Variants in IL1RAP observed in about 807,000 individuals in gnomAD.
IL1RAP encodes the protein interleukin 1 receptor accessory protein, also known as interleukin-1 receptor accessory protein.
In IL1RAP, 35 loss-of-function variants were observed where a neutral mutation model predicts 60.7. The ratio of observed to expected loss-of-function variants is 0.58; its 90% CI spans 0.44 to 0.76. The LOEUF (loss-of-function observed/expected upper bound fraction) is 0.76, where lower values mean the gene tolerates loss of function less well. Ranked by LOEUF, IL1RAP falls within the 30% of genes least tolerant of loss-of-function variation. The pLI is 0.00. For synonymous variants in IL1RAP, 268 were observed against 250.9 expected (o/e 1.07, Z -0.64); for missense variants, 572 against 693.9 (o/e 0.82, Z 1.97).
chr3:190,566,880 A>T (rs758626191), intron 3 of IL1RAP, among the ~76,000 whole-genome samples: 4 of 152,216 alleles, frequency 2.6e-5, no homozygotes, highest in African/African-American at 4.8e-5. Context: ...GCATCTGTGG[A>T]TGCTGACAGA....
rs564025467 is a variant in IL1RAP, at chr3:190,632,690, A to AAGGT, written c.1051+3194_1051+3197dup. Among the ~76,000 whole-genome samples, 861 of 152,310 alleles carry AAGGT rather than the reference A, an allele frequency of 5.7e-3. 12 individuals carry two copies. Among genetic ancestry groups the AAGGT allele is most frequent in the African/African-American group, 0.02 (827 of 41,576 alleles). On this transcript the variant is annotated intron_variant, in intron 9 of 11. Transcript: ENST00000447382. ...AAGTTAGAAAGGTATTCAGGTTAGAAAGGTATCCTTCTGTGTTTTCTTCTG... is the reference window on the plus strand; with the variant it reads ...AAGTTAGAAAGGTATTCAGGTTAGAAAGGTAGGTATCCTTCTGTGTTTTCTTCTG...
intron 9 of IL1RAP, among the ~76,000 whole-genome samples, chr3:190,643,462 G>A (rs1733801260): frequency 6.6e-6 from 1 of 152,152 alleles, no homozygotes; most frequent in East Asian, 1.9e-4. Flanking sequence ...TTAAGATCTG[G>A]TTTTTAAGTA....
chr3:190,522,624 G>A (rs753990718), intron 1 of IL1RAP, among the ~76,000 whole-genome samples: 1 of 145,754 alleles, frequency 6.9e-6, no homozygotes, highest in South Asian at 2.3e-4. Flanking sequence ...CAGATGGAGA[G>A]GGGGAGTATA....
chr3:190,645,571 A>C (rs769380758), intron 10 of IL1RAP, 128 bp from the exon 11 acceptor site: 11 of 699,910 alleles, frequency 1.6e-5, no homozygotes, highest in Non-Finnish European at 2.4e-5. Flanking sequence ...ACTTGTTGCA[A>C]GTAGAAAATC....
intron 1 of IL1RAP, among the ~76,000 whole-genome samples, chr3:190,541,659 A>T (rs190366056): frequency 5.3e-5 from 8 of 152,218 alleles, no homozygotes; most frequent in African/African-American, 1.9e-4. Flanking sequence ...ACCATTTTTA[A>T]GTCTACTGTT....
At chr3:190,587,965 A>G (rs1577668446) in intron 3 of IL1RAP, among the ~76,000 whole-genome samples, 4 of 152,212 alleles carry the variant, frequency 2.6e-5, no homozygotes, top group Non-Finnish European at 2.9e-5. Context: ...TCTAAACTAT[A>G]CATTACTATG....
In IL1RAP at chr3:190,648,675, C is replaced by T. The variant is rs146043981; in HGVS notation, c.1683C>T (p.Gly561=). 6.2e-7 allele frequency: 1 copy of T among 1,612,856 alleles called. No homozygotes were observed. Among genetic ancestry groups the T allele is most frequent in the South Asian group, 1.1e-5 (1 of 90,932 alleles). Residue 561 remains glycine, a synonymous_variant, in exon 12 of 12, where the codon GGC becomes GGT. Transcript: ENST00000447382. ...GGCGGTCTAGCAGTGATGAGCAGGG[C>T]CTCTCGTATTCATCTTTGAAAAATG... The part of the protein sequence containing the change: ...SPRRSSSDEQ[G]LSYSSLKNV
intron 2 of IL1RAP, chr3:190,563,563 T>G (rs930469723): frequency 6.6e-6 from 1 of 152,200 alleles, no homozygotes; most frequent in Non-Finnish European, 1.5e-5. Flanking sequence ...AGTTGGCTGT[T>G]TCAGCTGGTT....
chr3:190,534,395 T>G (rs1448425594), intron 1 of IL1RAP, among the ~76,000 whole-genome samples: 1 of 152,160 alleles, frequency 6.6e-6, no homozygotes, highest in Non-Finnish European at 1.5e-5. Context: ...ACCAGATATT[T>G]TAAGTCAGGT....
chr3:190,615,422 C>T, intron 5 of IL1RAP: 1 of 576,162 alleles, frequency 1.7e-6, no homozygotes, highest in Admixed American at 2.5e-5. Context: ...GGCAGGCCAT[C>T]CTAACTTTCA....
chr3:190,624,968 G>A, intron 7 of IL1RAP: 1 of 174,608 alleles, frequency 5.7e-6, no homozygotes. Context: ...TTCCGAGGGT[G>A]CTCCCTACCC....
At chr3:190,557,409 A>G (rs1725516198) in intron 2 of IL1RAP, among the ~76,000 whole-genome samples, 1 of 152,216 alleles carries the variant, frequency 6.6e-6, no homozygotes, top group East Asian at 1.9e-4. Context: ...TAAAGATGGC[A>G]GGTGGTATAT....
intron 3 of IL1RAP, among the ~76,000 whole-genome samples, chr3:190,585,983 G>A (rs949849504): frequency 5.3e-5 from 8 of 151,822 alleles, no homozygotes; most frequent in African/African-American, 1.9e-4. Context: ...ATCTAACCCC[G>A]GCTGACTCAT....
In IL1RAP at chr3:190,603,564, AT is replaced by A. The variant is rs1160882819; in HGVS notation, c.65-557del. Among the ~76,000 whole-genome samples the A allele has an allele frequency of 1.6e-4, 25 of 152,192 alleles. 1 individual carries two copies. The highest frequency in any genetic ancestry group is 3.4e-4 in the Non-Finnish European group (23 of 68,030). Reference sequence around the variant, plus strand: ...AAAGAATGTAAATGTAAAATAGCTCATTTTTTTATATTTTGGATATATTGGG... The same window carrying A: ...AAAGAATGTAAATGTAAAATAGCTCATTTTTTATATTTTGGATATATTGGG... On this transcript the variant is annotated intron_variant, in intron 3 of 11. Coordinates refer to ENST00000447382, the MANE Select transcript of IL1RAP (RefSeq NM_002182.4).
chr3:190,627,279 G>GTT (rs869147319), intron 7 of IL1RAP, 44 bp from the exon 8 acceptor site: 4 of 1,439,406 alleles, frequency 2.8e-6, no homozygotes, highest in African/African-American at 1.7e-5. Context: ...GTTTTGTTTT[G>GTT]TTTTGTTTTT....
At chr3:190,642,890 A>G (rs1292862995) in intron 9 of IL1RAP, among the ~76,000 whole-genome samples, 1 of 152,222 alleles carries the variant, frequency 6.6e-6, no homozygotes, top group African/African-American at 2.4e-5. Context: ...CTTCAGACCC[A>G]GTAAATATAC....
chr3:190,597,741 A>C (rs929443904), intron 3 of IL1RAP, among the ~76,000 whole-genome samples: 21 of 152,212 alleles, frequency 1.4e-4, no homozygotes, highest in African/African-American at 5.1e-4. Context: ...CTAAAAATCC[A>C]TTTTATAATT....
intron 3 of IL1RAP, among the ~76,000 whole-genome samples, chr3:190,565,298 A>G (rs977407045): frequency 6.6e-6 from 1 of 152,178 alleles, no homozygotes; most frequent in Non-Finnish European, 1.5e-5. Flanking sequence ...TCCCCTGAAC[A>G]CCATAAACCA....
chr3:190,551,304 G>T (rs1187836997), intron 1 of IL1RAP, among the ~76,000 whole-genome samples: 1 of 152,172 alleles, frequency 6.6e-6, no homozygotes, highest in East Asian at 1.9e-4. Context: ...AAAACAAACA[G>T]TTTCTGCAAT....
Sources: allele counts gnomAD v4.1 joint callset (sites outside exome capture counted in the v4.1 genomes callset), GRCh38; gene constraint gnomAD v4.1.1; transcripts MANE v1.5; gene names NCBI Gene and HGNC (gene_info 2026-07-23, HGNC 2026-07-21).